TCN2: variants seen among roughly 807,000 people sequenced by gnomAD.
TCN2 encodes the protein transcobalamin 2, also known as transcobalamin-2.
TCN2 carries 34 observed loss-of-function variants against 48.6 expected under a neutral mutation model. That is an observed-to-expected ratio of 0.70 (90% CI 0.53 to 0.93). The LOEUF is 0.93. Among genes scored for constraint, TCN2 ranks in the 40% least tolerant of loss-of-function variants. The pLI is 0.00. For synonymous variants in TCN2, 283 were observed against 212.5 expected, an observed-to-expected ratio of 1.33 and a Z score of -2.89; for missense variants, 652 against 526.1, an observed-to-expected ratio of 1.24 and a Z score of -2.34.
At chr22:30,624,760 C>G (rs187654976) in intron 8 of TCN2, among the ~76,000 whole-genome samples, 2 of 152,262 alleles carry the variant, frequency 1.3e-5, no homozygotes, top group East Asian at 3.9e-4. Flanking sequence ...AGCGCCCAGG[C>G]TACACATGCC....
chr22:30,625,179 T>G (rs2087787041), intron 8 of TCN2, among the ~76,000 whole-genome samples: 1 of 152,140 alleles, frequency 6.6e-6, no homozygotes, highest in African/African-American at 2.4e-5. Flanking sequence ...GATCACGCCA[T>G]TGCATTTCAG....
rs146036025 is a variant in TCN2 at position 30,615,750 on chromosome 22, C to T, written c.903C>T (p.Tyr301=). 308 of 1,614,250 alleles carry T rather than the reference C, an allele frequency of 1.9e-4. 1 individual carries two copies. In the Middle Eastern group the frequency reaches 2.8e-3, roughly 15 times the overall value. ...TGCCCGTTCTGAACCACAAGACCTA[C>T]ATTGATCTGATCTTCCCAGACTGTC... ...QLLPVLNHKT[Y]IDLIFPDCLA... Residue 301 remains tyrosine, a synonymous_variant, in exon 6 of 9, where the codon TAC becomes TAT. Transcript: ENST00000215838.
chr22:30,614,452 C>A lies in TCN2; in HGVS notation c.531C>A (p.Asp177Glu). 1 of 1,614,182 alleles carries A rather than the reference C, an allele frequency of 6.2e-7. No individual in the cohort carries two copies. The highest frequency in any genetic ancestry group is 8.5e-7 in the Non-Finnish European group (1 of 1,180,042). ...AGCGGGTCCATGACAGCGTGGTGGA[C>A]AAACTTCTGTATGCTGTGGAACCTT... Reference protein sequence around the residue: ...HQKRVHDSVVDKLLYAVEPFH... With the variant: ...HQKRVHDSVVEKLLYAVEPFH... The change falls in exon 4 of 9, where the codon GAC becomes GAA. Residue 177 changes from aspartate to glutamate, a missense_variant. Physicochemically the swap from Asp to Glu is conservative, Grantham distance 45. Coordinates refer to ENST00000215838, the MANE Select transcript of TCN2 (RefSeq NM_000355.4).
Position 30,619,814 on chromosome 22 carries a change from T to C in TCN2, c.1106+2319T>C, listed in dbSNP as rs371336005. 4.3e-3 allele frequency among the ~76,000 whole-genome samples: 652 copies of C among 152,262 alleles called. 39 individuals carry two copies. The South Asian group carries it at 0.13, about 30-fold the overall frequency. On this transcript the variant is annotated intron_variant, in intron 7 of 8. Transcript: ENST00000215838. ...TTCTCCCAGACCCCAGGTTAAGTTA[T>C]TTCTTCTATAATATCACTTAGATGT...
intron 6 of TCN2, 118 bp from the exon 7 acceptor site, chr22:30,617,212 T>C: frequency 7.2e-7 from 1 of 1,391,866 alleles, no homozygotes; most frequent in South Asian, 1.2e-5. Context: ...GTGGCATTGA[T>C]GGAGATGAGG....
In TCN2 at chr22:30,607,286, G is replaced by T. The variant is rs760519616; in HGVS notation, c.-46G>T. The T allele has an allele frequency of 1.0e-4, 166 of 1,610,930 alleles. No individual in the cohort carries two copies. Among genetic ancestry groups the T allele is most frequent in the Non-Finnish European group, 1.3e-4 (158 of 1,177,272 alleles). On this transcript the variant is annotated 5_prime_UTR_variant, in exon 1 of 9. Transcript: ENST00000215838. ...AGAGCCTCAGCAGGGCCAGCCCCAG[G>T]AGTCTTTCCCGATTCTTGCTCACTG...
At chr22:30,623,923 T>TATGTATACATATATACACACAC (rs2087755018) in intron 8 of TCN2, among the ~76,000 whole-genome samples, 2 of 41,260 alleles carry the variant, frequency 4.8e-5, no homozygotes, top group Non-Finnish European at 8.9e-5. Flanking sequence ...CACACATATA[T>TATGTATACATATATACACACAC]ATGTATACAT....
chr22:30,620,001 T>G (rs1456425722), intron 7 of TCN2, among the ~76,000 whole-genome samples: 4 of 152,068 alleles, frequency 2.6e-5, no homozygotes. Flanking sequence ...CAAAAAAATT[T>G]TTTTAATTAG....
At chr22:30,608,542 C>G (rs917947522) in intron 1 of TCN2, among the ~76,000 whole-genome samples, 1 of 152,170 alleles carries the variant, frequency 6.6e-6, no homozygotes, top group Non-Finnish European at 1.5e-5. Flanking sequence ...GTGCATACTA[C>G]CATGCTTGGC....
intron 1 of TCN2, among the ~76,000 whole-genome samples, chr22:30,609,736 A>G (rs772881130): frequency 1.4e-4 from 21 of 152,164 alleles, no homozygotes; most frequent in Non-Finnish European, 2.8e-4. Flanking sequence ...GCAACCCCCC[A>G]GTCTCTCTTA....
intron 7 of TCN2, among the ~76,000 whole-genome samples, chr22:30,620,863 C>G (rs182168666): frequency 6.6e-6 from 1 of 152,150 alleles, no homozygotes; most frequent in Non-Finnish European, 1.5e-5. Context: ...CACAGATAGA[C>G]AGATGTGGAG....
rs2087597035 is a variant in TCN2, at chr22:30,615,371, A to G, written c.651A>G (p.Gln217=). The G allele has an allele frequency of 6.2e-7, 1 of 1,614,204 alleles. No homozygotes were observed. Among genetic ancestry groups the G allele is most frequent in the Non-Finnish European group, 8.5e-7 (1 of 1,180,038 alleles). The change falls in exon 5 of 9, where the codon CAA becomes CAG. Residue 217 remains glutamine (Q), a synonymous_variant. Coordinates refer to ENST00000215838, the MANE Select transcript of TCN2 (RefSeq NM_000355.4). Reference sequence around the variant, plus strand: ...CAAACTTCAACCCTGGTCGGAGACAACGGATCACCATGGCCATCAGAACAG... The same window carrying G: ...CAAACTTCAACCCTGGTCGGAGACAGCGGATCACCATGGCCATCAGAACAG... ...KRSNFNPGRR[Q]RITMAIRTVR... is the part of the protein sequence containing the mutation.
chr22:30,615,521 G>C lies in TCN2; in HGVS notation c.753+48G>C, dbSNP rs765981708. The C allele has an allele frequency of 1.1e-5, 18 of 1,613,592 alleles. No homozygotes were observed. The South Asian group carries it at 2.0e-4, about 18-fold the overall frequency. On this transcript the variant is annotated intron_variant, in intron 5 of 8. Coordinates refer to ENST00000215838, the MANE Select transcript of TCN2 (RefSeq NM_000355.4). ...ATGGCCACCCTGGGGAACAGTCAGG[G>C]GTGGAGTGGTCAGGTGCTGGAACAC...
intron 8 of TCN2, among the ~76,000 whole-genome samples, chr22:30,623,580 T>C (rs541664635): frequency 6.6e-6 from 1 of 151,882 alleles, no homozygotes; most frequent in Admixed American, 6.6e-5. Flanking sequence ...TTCTAGATAC[T>C]TTTTAAAAAT....
chr22:30,614,330 C>T lies in TCN2; in HGVS notation c.428-19C>T. On this transcript the variant is annotated intron_variant, in intron 3 of 8. Coordinates refer to ENST00000215838, the MANE Select transcript of TCN2 (RefSeq NM_000355.4). Reference sequence around the variant, plus strand: ...GGGTGGGGGCAGAGAGGCAACCCCTCTGTTTTTTTCCCTCTCAGGGCATGA... The same window carrying T: ...GGGTGGGGGCAGAGAGGCAACCCCTTTGTTTTTTTCCCTCTCAGGGCATGA... The T allele has an allele frequency of 1.2e-6, 2 of 1,613,850 alleles. No homozygotes were observed. Among genetic ancestry groups the T allele is most frequent in the South Asian group, 2.2e-5 (2 of 91,062 alleles).
At chr22:30,609,102 C>A (rs760014166) in intron 1 of TCN2, among the ~76,000 whole-genome samples, 1 of 151,426 alleles carries the variant, frequency 6.6e-6, no homozygotes, top group Admixed American at 6.6e-5. Flanking sequence ...TGACAGGGAT[C>A]GCTGCACAAA....
chr22:30,623,821 C>CATATACACACACATAT lies in TCN2; in HGVS notation c.1222+741_1222+742insTACACACACATATATA, dbSNP rs1189547818. On this transcript the variant is annotated intron_variant, in intron 8 of 8. Coordinates refer to ENST00000215838, the MANE Select transcript of TCN2 (RefSeq NM_000355.4). Reference sequence around the variant, plus strand: ...ACACACATACACATATATACACACACATACACACACATATACACACACATA... The same window carrying CATATACACACACATAT: ...ACACACATACACATATATACACACACATATACACACACATATATACACACACATATACACACACATA... 9.8e-5 allele frequency among the ~76,000 whole-genome samples: 3 copies of CATATACACACACATAT among 30,626 alleles called. 1 individual carries two copies. The highest frequency in any genetic ancestry group is 1.7e-4 in the Non-Finnish European group (3 of 17,732). 20.1% of individuals were successfully genotyped at this position (30,626 alleles called of 152,430 possible).
At chr22:30,608,273 C>G (rs1253417527) in intron 1 of TCN2, among the ~76,000 whole-genome samples, 1 of 152,206 alleles carries the variant, frequency 6.6e-6, no homozygotes, top group African/African-American at 2.4e-5. Context: ...CAGTCATGTC[C>G]AGGTGTCAAG....
intron 8 of TCN2, among the ~76,000 whole-genome samples, chr22:30,624,696 T>G (rs950128345): frequency 4.6e-5 from 7 of 152,130 alleles, no homozygotes; most frequent in Non-Finnish European, 7.4e-5. Context: ...AGCCTCTATC[T>G]CCTTCCCCCT....
Sources: gnomAD v4.1 joint callset for allele counts (sites outside exome capture counted in the v4.1 genomes callset) on GRCh38, gnomAD v4.1.1 for gene constraint, MANE v1.5 for transcripts, NCBI Gene and HGNC (gene_info 2026-07-23, HGNC 2026-07-21) for gene names.